Variants in CACNA1I observed in about 807,000 individuals in gnomAD.
The protein encoded by CACNA1I is voltage-dependent T-type calcium channel subunit alpha-1I.
Under a neutral mutation model 201.6 loss-of-function variants are expected in CACNA1I, and 74 were observed. The observed-to-expected ratio is 0.37, with a 90% confidence interval of 0.30 to 0.45. The LOEUF (loss-of-function observed/expected upper bound fraction) is 0.45. CACNA1I is among the 20% of genes least tolerant of loss of function. The pLI, the probability that CACNA1I is intolerant of heterozygous loss-of-function variation, is 1.00. For synonymous variants in CACNA1I, 1,431 were observed against 1,345.2 expected, an observed-to-expected ratio of 1.06 and a Z score of -1.40; for missense variants, 2,346 against 3,138.1, an observed-to-expected ratio of 0.75 and a Z score of 6.03.
chr22:39,662,041 G>C lies in CACNA1I; in HGVS notation c.2978G>C (p.Ser993Thr). The change falls in exon 17 of 37, where the codon AGC becomes ACC. Residue 993 changes from serine to threonine, a missense_variant. Around this residue, in one of 13 missense-constraint regions of CACNA1I, gnomAD observed 288 missense variants for 255.2 expected, o/e 1.13. Transcript: ENST00000402142. ...AWASRRSSWN[S>T]LKHKPPSAEH... ...GCCAGCCGTCGCTCCAGCTGGAACA[G>C]CCTCAAGCACAAGCCGCCGTCGGCG... 6.4e-7 allele frequency: 1 copy of C among 1,566,798 alleles called. No homozygotes were observed. Among genetic ancestry groups the C allele is most frequent in the African/African-American group, 1.4e-5 (1 of 72,664 alleles).
intron 1 of CACNA1I, among the ~76,000 whole-genome samples, chr22:39,578,016 G>A (rs556390666): frequency 3.8e-5 from 1 of 26,500 alleles, no homozygotes; most frequent in East Asian, 3.2e-4. Flanking sequence ...AGTGGCAGCT[G>A]TGTGTACACT....
rs901271270 is a variant in CACNA1I, at chr22:39,595,331, T to C, written c.237-2820T>C. Among the ~76,000 whole-genome samples the C allele has an allele frequency of 3.3e-5, 5 of 150,038 alleles. No individual in the cohort carries two copies. In the South Asian group the frequency reaches 1.0e-3, roughly 31 times the overall value. ...AACAAAAATAAAAAATAAAATAAAA[T>C]AAAACAATTAGGCCAGGCACAATGG... On this transcript the variant is annotated intron_variant, in intron 1 of 36. Transcript: ENST00000402142.
intron 33 of CACNA1I, 66 bp from the exon 34 acceptor site, chr22:39,680,864 C>G (rs550894838): frequency 6.6e-7 from 1 of 1,524,306 alleles, no homozygotes; most frequent in Non-Finnish European, 8.8e-7. Flanking sequence ...TGTGGCTGCA[C>G]GCCCCAGGAC....
intron 3 of CACNA1I, among the ~76,000 whole-genome samples, chr22:39,617,751 A>C (rs1933586856): frequency 6.7e-6 from 1 of 149,640 alleles, no homozygotes; most frequent in African/African-American, 2.5e-5. Context: ...CTCTCTGCCT[A>C]GCTGCTGCCC....
At chr22:39,600,340 T>C (rs930778664) in intron 2 of CACNA1I, among the ~76,000 whole-genome samples, 180 bp from the exon 3 acceptor site, 1 of 152,138 alleles carries the variant, frequency 6.6e-6, no homozygotes, top group Non-Finnish European at 1.5e-5. Flanking sequence ...TCCTCATCTA[T>C]GAAATGACTG....
chr22:39,620,012 T>TATCCATCCATCCATCCATCC lies in CACNA1I; in HGVS notation c.580+627_580+646dup, dbSNP rs564900279. 2.3e-3 allele frequency among the ~76,000 whole-genome samples: 210 copies of TATCCATCCATCCATCCATCC among 92,914 alleles called. 11 individuals carry two copies. Among genetic ancestry groups the TATCCATCCATCCATCCATCC allele is most frequent in the African/African-American group, 7.4e-3 (164 of 22,182 alleles). 61.0% of individuals were successfully genotyped at this position (92,914 alleles called of 152,430 possible). A position where few individuals can be genotyped will look rare whatever the true frequency, so the allele number is the denominator to read the frequency against. On this transcript the variant is annotated intron_variant, in intron 4 of 36. Transcript: ENST00000402142. Reference sequence around the variant, plus strand: ...CTACCTGTCCACCCATCCACCTGTCTATCCATCCATCCATCCATCCATCCA... The same window carrying TATCCATCCATCCATCCATCC: ...CTACCTGTCCACCCATCCACCTGTCTATCCATCCATCCATCCATCCATCCATCCATCCATCCATCCATCCA...
intron 24 of CACNA1I, 131 bp downstream of exon 24, chr22:39,668,512 GC>G (rs1189493719): frequency 1.5e-6 from 1 of 646,066 alleles, no homozygotes; most frequent in Non-Finnish European, 2.8e-6. Context: ...TGTCAGCACA[GC>G]CCACTCCTCA....
At position 39,676,180 on chromosome 22, in the gene CACNA1I, C is replaced by G. The variant is rs1172953110; in HGVS notation, c.4855-1161C>G. On this transcript the variant is annotated intron_variant, in intron 29 of 36. Coordinates refer to ENST00000402142, the MANE Select transcript of CACNA1I (RefSeq NM_021096.4). The surrounding 1 kb of genome is among the most constrained non-coding windows in gnomAD (Gnocchi z 4.8). ...GCAATCCTGGTTAAGAGATGCTGCC[C>G]CCGCCGGCCTGTGCAGGGCACAAAG... Among the ~76,000 whole-genome samples, 1 of 152,198 alleles carries G rather than the reference C, an allele frequency of 6.6e-6. No homozygotes were observed. The highest frequency in any genetic ancestry group is 1.5e-5 in the Non-Finnish European group (1 of 68,038).
At chr22:39,578,755 G>A (rs1276192114) in intron 1 of CACNA1I, among the ~76,000 whole-genome samples, 2 of 152,156 alleles carry the variant, frequency 1.3e-5, no homozygotes, top group Non-Finnish European at 2.9e-5. Flanking sequence ...GGCTAACTGA[G>A]CCTGGACTCG....
chr22:39,619,497 C>A (rs927203010), intron 4 of CACNA1I, 90 bp downstream of exon 4: 13 of 907,000 alleles, frequency 1.4e-5, no homozygotes, highest in South Asian at 9.8e-5. Context: ...CCCACCCCCC[C>A]ACCCTGCTTC....
At chr22:39,618,077 T>C (rs1467268339) in intron 3 of CACNA1I, among the ~76,000 whole-genome samples, 1 of 148,104 alleles carries the variant, frequency 6.8e-6, no homozygotes, top group Non-Finnish European at 1.5e-5. Context: ...GGGTGTGTGG[T>C]TGTTTGCATG....
At chr22:39,634,162 C>T (rs760590676) in intron 4 of CACNA1I, among the ~76,000 whole-genome samples, 21 of 152,204 alleles carry the variant, frequency 1.4e-4, no homozygotes, top group Admixed American at 5.9e-4. Context: ...GTGTGACCTA[C>T]GGCAAGCAGT....
In CACNA1I at chr22:39,685,165, C is replaced by T. The variant is rs112733182; in HGVS notation, c.6028-596C>T. ...TGCCTGCCGGGCTCACTGTTTAGTG[C>T]TGAGAGTGAGCTGCCTGGGTGCAGG... On this transcript the variant is annotated intron_variant, in intron 36 of 36. Coordinates refer to ENST00000402142, the MANE Select transcript of CACNA1I (RefSeq NM_021096.4). This position sits in a 1 kb window ranked among gnomAD's most constrained non-coding sequence, Gnocchi z 5.0. 7.2e-4 allele frequency: 116 copies of T among 161,114 alleles called. No individual in the cohort carries two copies. In the Middle Eastern group the frequency reaches 9.7e-3, roughly 14 times the overall value. 10.0% of individuals were successfully genotyped at this position (161,114 alleles called of 1,614,324 possible). A position where few individuals can be genotyped will look rare whatever the true frequency, so the allele number is the denominator to read the frequency against.
chr22:39,647,712 C>A, intron 8 of CACNA1I, 110 bp from the exon 9 acceptor site: 1 of 781,276 alleles, frequency 1.3e-6, no homozygotes, highest in Non-Finnish European at 2.2e-6. Flanking sequence ...CCGCCCCTGG[C>A]CAAGTTTATG....
chr22:39,664,113 C>T lies in CACNA1I; in HGVS notation c.3620C>T (p.Ser1207Phe). The T allele has an allele frequency of 6.2e-7, 1 of 1,613,732 alleles. No individual in the cohort carries two copies. Among genetic ancestry groups the T allele is most frequent in the South Asian group, 1.1e-5 (1 of 91,042 alleles). The change falls in exon 20 of 37, where the codon TCC becomes TTC. Residue 1207 changes from serine (S) to phenylalanine (F), a missense_variant. Coordinates refer to ENST00000402142, the MANE Select transcript of CACNA1I (RefSeq NM_021096.4). The stretch of plus-strand genomic sequence containing the variant: ...CAGGAACGCATCTTTCTCACCGTGT[C>T]CAACTACATCTTCACGGCCATCTTC... ...GSTERIFLTVSNYIFTAIFVG... is the reference protein window; with the variant it reads ...GSTERIFLTVFNYIFTAIFVG...
chr22:39,643,136 TC>T (rs1934391429), intron 7 of CACNA1I, among the ~76,000 whole-genome samples: 1 of 152,166 alleles, frequency 6.6e-6, no homozygotes, highest in Admixed American at 6.5e-5. Context: ...GGCACTTACT[TC>T]CCCACCGATG....
intron 1 of CACNA1I, among the ~76,000 whole-genome samples, chr22:39,582,124 G>A (rs1180237994): frequency 6.6e-6 from 1 of 152,162 alleles, no homozygotes; most frequent in East Asian, 1.9e-4. Context: ...TGGAGCAGTG[G>A]GGGAGGCTCC....
At chr22:39,604,919 T>C (rs1038833299) in intron 3 of CACNA1I, among the ~76,000 whole-genome samples, 3 of 152,088 alleles carry the variant, frequency 2.0e-5, no homozygotes, top group African/African-American at 4.8e-5. Context: ...TGCCCAGCTA[T>C]GTGCTGGATT....
intron 3 of CACNA1I, among the ~76,000 whole-genome samples, chr22:39,603,743 G>A (rs1397532214): frequency 3.9e-5 from 6 of 152,318 alleles, no homozygotes; most frequent in South Asian, 2.1e-4. Context: ...TATCCAGCTC[G>A]TTAAGGAGTA....
Sources: allele counts gnomAD v4.1 joint callset (sites outside exome capture counted in the v4.1 genomes callset), GRCh38; gene constraint gnomAD v4.1.1; regional missense constraint gnomAD v4.1.1; non-coding constraint Gnocchi (gnomAD v3.1); transcripts MANE v1.5; gene names NCBI Gene and HGNC (gene_info 2026-07-23, HGNC 2026-07-21).